RAD51B: variants seen among roughly 807,000 people sequenced by gnomAD.
RAD51B encodes the protein DNA repair protein RAD51 homolog 2.
In RAD51B, 38 loss-of-function variants were observed where a neutral mutation model predicts 42.2. That is an observed-to-expected ratio of 0.90 (90% confidence interval 0.70 to 1.18). The LOEUF is 1.18. Ranked by LOEUF, RAD51B falls within the 50% of genes most tolerant of loss-of-function variation. The pLI is 0.00. For missense variants in RAD51B, 373 were observed against 400.7 expected, an observed-to-expected ratio of 0.93 and a Z score of 0.59; for synonymous variants, 154 against 145.2, an observed-to-expected ratio of 1.06 and a Z score of -0.43.
intron 7 of RAD51B, among the ~76,000 whole-genome samples, chr14:68,251,324 C>T (rs965152973): frequency 2.6e-5 from 4 of 152,124 alleles, no homozygotes; most frequent in Non-Finnish European, 5.9e-5. Context: ...CCTCGATGAG[C>T]CCCGGCCCAT....
chr14:67,822,238 G>T (rs1434209571), intron 1 of RAD51B: 2 of 152,124 alleles, frequency 1.3e-5, no homozygotes, highest in Non-Finnish European at 2.9e-5. Flanking sequence ...GAGATATACA[G>T]CTTCTCCTTT....
chr14:67,959,253 T>G lies in RAD51B; in HGVS notation c.756+72049T>G, dbSNP rs539887416. Among the ~76,000 whole-genome samples, 3 of 148,584 alleles carry G rather than the reference T, an allele frequency of 2.0e-5. No homozygotes were observed. In the South Asian group the frequency reaches 6.3e-4, roughly 31 times the overall value. ...TCTCCTGATTTCCTTTGGTCAATATTTTTTTTTTTTTGAGACAGAGTCTTG... is the reference window on the plus strand; with the variant it reads ...TCTCCTGATTTCCTTTGGTCAATATGTTTTTTTTTTTGAGACAGAGTCTTG... On this transcript the variant is annotated intron_variant, in intron 7 of 10. Transcript: ENST00000471583.
At chr14:68,438,017 A>G (rs1566884225) in intron 9 of RAD51B, among the ~76,000 whole-genome samples, 1 of 152,140 alleles carries the variant, frequency 6.6e-6, no homozygotes, top group Admixed American at 6.5e-5. Flanking sequence ...GTGTCTGTAC[A>G]ATGAGTAGGG....
chr14:68,500,369 T>A (rs548238326), intron 10 of RAD51B, among the ~76,000 whole-genome samples: 2 of 152,332 alleles, frequency 1.3e-5, no homozygotes, highest in African/African-American at 4.8e-5. Context: ...CTGCTCAAGG[T>A]CATTTGGCAA....
chr14:67,861,060 A>T (rs2042147705), intron 4 of RAD51B, among the ~76,000 whole-genome samples: 1 of 151,870 alleles, frequency 6.6e-6, no homozygotes. Context: ...GGGTATGGTG[A>T]TGTGTGCCTG....
At chr14:68,092,421 TG>T (rs1158462461) in intron 7 of RAD51B, among the ~76,000 whole-genome samples, 1 of 152,180 alleles carries the variant, frequency 6.6e-6, no homozygotes, top group Non-Finnish European at 1.5e-5. Flanking sequence ...TCACATGCCT[TG>T]TAAGTTCGAT....
intron 9 of RAD51B, among the ~76,000 whole-genome samples, chr14:68,458,584 G>A (rs972936173): frequency 1.3e-5 from 2 of 151,876 alleles, no homozygotes; most frequent in East Asian, 1.9e-4. Flanking sequence ...TTATACAAGA[G>A]CATAATGATA....
At chr14:68,109,229 G>T (rs1283061101) in intron 7 of RAD51B, among the ~76,000 whole-genome samples, 2 of 151,974 alleles carry the variant, frequency 1.3e-5, no homozygotes, top group African/African-American at 4.8e-5. Context: ...CCTGGCCAGA[G>T]CGTAAGAGTC....
chr14:68,291,858 T>C lies in RAD51B; in HGVS notation c.757-26T>C, dbSNP rs10129646. ...CCTGTCTTTCTTCTCCCTTGCCCCC[T>C]ACCCCTTCTCCCTGTCTGTTCACAG... On this transcript the variant is annotated intron_variant, in intron 7 of 10. Coordinates refer to ENST00000471583, the MANE Select transcript of RAD51B (RefSeq NM_133510.4). 39,920 of 1,564,018 alleles carry C rather than the reference T, an allele frequency of 0.026. 4,928 individuals carry two copies. In the African/African-American group the frequency reaches 0.34, roughly 13 times the overall value.
chr14:68,637,133 G>A (rs940315672), intron 10 of RAD51B, among the ~76,000 whole-genome samples: 2 of 152,074 alleles, frequency 1.3e-5, no homozygotes, highest in Admixed American at 1.3e-4. Context: ...AGGCTAGAGT[G>A]CAGTGGTGCA....
At chr14:68,439,329 G>A (rs1246649382) in intron 9 of RAD51B, among the ~76,000 whole-genome samples, 1 of 151,968 alleles carries the variant, frequency 6.6e-6, no homozygotes, top group Admixed American at 6.5e-5. Flanking sequence ...TCTCATCCTT[G>A]ATTCCTCCAG....
chr14:68,284,094 C>T (rs1447585111), intron 7 of RAD51B, among the ~76,000 whole-genome samples: 1 of 152,218 alleles, frequency 6.6e-6, no homozygotes, highest in Non-Finnish European at 1.5e-5. Flanking sequence ...GGCTCCCCTA[C>T]TAGGCAGAGT....
At chr14:68,412,434 G>A (rs531442074) in intron 9 of RAD51B, among the ~76,000 whole-genome samples, 9 of 152,286 alleles carry the variant, frequency 5.9e-5, no homozygotes, top group Non-Finnish European at 1.3e-4. Flanking sequence ...TGTCACACTG[G>A]TGATCCTTTC....
rs377445381 is a variant in RAD51B, at chr14:67,822,944, A to G, written c.-2-598A>G. On this transcript the variant is annotated intron_variant, in intron 1 of 10. Transcript: ENST00000471583. ...CAGTTATTTATGTTTTCTGGTGACAATGGACTAGCTAACTTTTCCAGGCTT... is the reference window on the plus strand; with the variant it reads ...CAGTTATTTATGTTTTCTGGTGACAGTGGACTAGCTAACTTTTCCAGGCTT... 5.8e-4 allele frequency among the ~76,000 whole-genome samples: 89 copies of G among 152,284 alleles called. 1 individual carries two copies. In the South Asian group the frequency reaches 0.018, roughly 32 times the overall value.
intron 7 of RAD51B, among the ~76,000 whole-genome samples, chr14:68,266,910 T>C (rs1025441165): frequency 6.6e-6 from 1 of 152,224 alleles, no homozygotes; most frequent in Non-Finnish European, 1.5e-5. Flanking sequence ...TTATCACAAA[T>C]ATCAGCACAC....
intron 5 of RAD51B, among the ~76,000 whole-genome samples, chr14:67,883,337 A>C (rs899293162): frequency 9.2e-5 from 14 of 152,042 alleles, no homozygotes; most frequent in African/African-American, 1.7e-4. Flanking sequence ...GCAAAAAAAA[A>C]AAAAACAAAA....
intron 7 of RAD51B, among the ~76,000 whole-genome samples, chr14:68,125,668 G>A (rs1263095700): frequency 6.6e-6 from 1 of 152,086 alleles, no homozygotes; most frequent in Non-Finnish European, 1.5e-5. Flanking sequence ...CAGGAGAATT[G>A]GATATTCCTG....
chr14:68,648,705 A>G (rs1050534933), intron 10 of RAD51B, among the ~76,000 whole-genome samples: 3 of 148,228 alleles, frequency 2.0e-5, no homozygotes, highest in African/African-American at 4.9e-5. Flanking sequence ...ACACACACAC[A>G]CACACACACA....
intron 7 of RAD51B, among the ~76,000 whole-genome samples, chr14:67,940,033 T>C (rs1177102161): frequency 0.21 from 2,853 of 13,754 alleles, 134 homozygotes; most frequent in Non-Finnish European, 0.34. Flanking sequence ...CATATATATA[T>C]ATATATATAT....
Sources: allele counts gnomAD v4.1 joint callset (sites outside exome capture counted in the v4.1 genomes callset), GRCh38; gene constraint gnomAD v4.1.1; transcripts MANE v1.5; gene names NCBI Gene and HGNC (gene_info 2026-07-23, HGNC 2026-07-21).